MEGF11: variants seen among roughly 807,000 people sequenced by gnomAD.
MEGF11 encodes the protein multiple epidermal growth factor-like domains protein 11.
MEGF11 carries 126 observed loss-of-function variants against 146.6 expected under a neutral mutation model. The ratio of observed to expected loss-of-function variants is 0.86; its 90% CI spans 0.74 to 1.00. The LOEUF is 1.00. Ranked by LOEUF, MEGF11 falls within the 50% of genes least tolerant of loss-of-function variation. MEGF11 has a pLI of 0.00. For synonymous variants in MEGF11, 532 were observed against 583.4 expected (o/e 0.91, Z 1.27); for missense variants, 1,509 against 1,521.2 (o/e 0.99, Z 0.13).
chr15:66,120,632 T>C (rs879923988), intron 3 of MEGF11, among the ~76,000 whole-genome samples: 2 of 152,208 alleles, frequency 1.3e-5, no homozygotes, highest in Non-Finnish European at 2.9e-5. Flanking sequence ...ATCTGTGATA[T>C]TTGGGAATGT....
chr15:65,935,291 G>A (rs1184472401), intron 10 of MEGF11, among the ~76,000 whole-genome samples: 1 of 123,004 alleles, frequency 8.1e-6, no homozygotes, highest in Non-Finnish European at 1.6e-5. Flanking sequence ...CTGCACTCCA[G>A]CCTGGGTGAC....
At chr15:66,170,277 G>A (rs947561761) in intron 1 of MEGF11, among the ~76,000 whole-genome samples, 9 of 152,146 alleles carry the variant, frequency 5.9e-5, no homozygotes, top group South Asian at 2.1e-4. Flanking sequence ...TGCCAGGGGC[G>A]TTTCCAGAGA....
chr15:66,078,727 C>T (rs2140519269), intron 5 of MEGF11, among the ~76,000 whole-genome samples: 1 of 152,330 alleles, frequency 6.6e-6, no homozygotes, highest in South Asian at 2.1e-4. Flanking sequence ...GGGGTATCCG[C>T]CCGGTTGCCA....
chr15:65,949,397 G>T (rs1453446066), intron 10 of MEGF11, among the ~76,000 whole-genome samples: 4 of 152,230 alleles, frequency 2.6e-5, no homozygotes, highest in African/African-American at 4.8e-5. Context: ...TGAGAAAAAT[G>T]CAGAAACAAA....
chr15:66,134,849 C>T (rs988948370), intron 1 of MEGF11, among the ~76,000 whole-genome samples: 1 of 152,220 alleles, frequency 6.6e-6, no homozygotes, highest in South Asian at 2.1e-4. Flanking sequence ...AACCTGGGAG[C>T]AGAAAGAGTC....
At chr15:66,216,996 G>A (rs2091602241) in intron 1 of MEGF11, among the ~76,000 whole-genome samples, 1 of 152,246 alleles carries the variant, frequency 6.6e-6, no homozygotes, top group Non-Finnish European at 1.5e-5. Flanking sequence ...CACCCCATGG[G>A]ACTGGCCGAG....
At chr15:65,900,103 CCTT>C (rs560714567) in intron 24 of MEGF11, among the ~76,000 whole-genome samples, 56 of 152,302 alleles carry the variant, frequency 3.7e-4, no homozygotes, top group African/African-American at 1.2e-3. Flanking sequence ...GCAGCTCTGA[CCTT>C]CTTCTGTGAA....
At chr15:66,129,609 C>T (rs1470727074) in intron 1 of MEGF11, among the ~76,000 whole-genome samples, 1 of 152,160 alleles carries the variant, frequency 6.6e-6, no homozygotes, top group African/African-American at 2.4e-5. Flanking sequence ...ATCTATCCCG[C>T]TGGCCCTGGG....
At chr15:65,920,460 T>A (rs2079138631) in intron 15 of MEGF11, among the ~76,000 whole-genome samples, 1 of 152,234 alleles carries the variant, frequency 6.6e-6, no homozygotes, top group Non-Finnish European at 1.5e-5. Context: ...GTGCCAGAGC[T>A]GCTCCCCCTA....
chr15:66,072,400 G>A lies in MEGF11; in HGVS notation c.394+22002C>T, dbSNP rs536721883. On this transcript the variant is annotated intron_variant, in intron 5 of 25. Transcript: ENST00000395614. ...CACCTCACACACTTTAACCCATCAC[G>A]CCCTTTTATTTTCTTCTTAGCATTT... 2.6e-5 allele frequency among the ~76,000 whole-genome samples: 4 copies of A among 152,058 alleles called. 1 individual carries two copies. Among genetic ancestry groups the A allele is most frequent in the South Asian group, 4.2e-4 (2 of 4,808 alleles).
At chr15:66,204,410 T>G (rs1281240396) in intron 1 of MEGF11, among the ~76,000 whole-genome samples, 2 of 150,524 alleles carry the variant, frequency 1.3e-5, no homozygotes, top group African/African-American at 4.9e-5. Flanking sequence ...GTCTCAAAAA[T>G]AAAAAAGAAA....
At chr15:65,968,280 T>C (rs2141593120) in intron 8 of MEGF11, among the ~76,000 whole-genome samples, 1 of 152,338 alleles carries the variant, frequency 6.6e-6, no homozygotes, top group African/African-American at 2.4e-5. Context: ...TGCCAGCCCC[T>C]GTTCAGCCTG....
chr15:66,146,948 C>T (rs546002778), intron 1 of MEGF11, among the ~76,000 whole-genome samples: 1 of 152,306 alleles, frequency 6.6e-6, no homozygotes, highest in Admixed American at 6.5e-5. Context: ...TCCCATAATG[C>T]CCCCACTTGC....
At chr15:65,965,593 TTTCTTTCTTTTTTTTTTTTC>T (rs2081047791) in intron 8 of MEGF11, among the ~76,000 whole-genome samples, 1 of 28,938 alleles carries the variant, frequency 3.5e-5, no homozygotes, top group Non-Finnish European at 9.5e-5. Flanking sequence ...TCTTTCTTTC[TTTCTTTCTTTTTTTTTTTTC>T]TTTTTTTTTT....
chr15:66,164,261 C>A (rs1403581886), intron 1 of MEGF11, among the ~76,000 whole-genome samples: 1 of 152,188 alleles, frequency 6.6e-6, no homozygotes, highest in Non-Finnish European at 1.5e-5. Context: ...AAGGGCCAGG[C>A]TGCCCTGGAC....
intron 10 of MEGF11, among the ~76,000 whole-genome samples, chr15:65,935,536 T>C (rs982793956): frequency 2.0e-5 from 3 of 152,276 alleles, no homozygotes; most frequent in Admixed American, 2.0e-4. Flanking sequence ...TGCTTGCTGC[T>C]GGGGAGAAAT....
At chr15:65,941,468 C>A (rs1344108891) in intron 10 of MEGF11, among the ~76,000 whole-genome samples, 1 of 151,982 alleles carries the variant, frequency 6.6e-6, no homozygotes, top group Non-Finnish European at 1.5e-5. Flanking sequence ...AATTCAGACC[C>A]AAGAGGCGGT....
intron 24 of MEGF11, among the ~76,000 whole-genome samples, chr15:65,903,219 G>A (rs1338925501): frequency 4.6e-5 from 7 of 152,168 alleles, no homozygotes; most frequent in African/African-American, 2.4e-5. Flanking sequence ...AGATGGGAAC[G>A]AGCACACAGG....
intron 5 of MEGF11, among the ~76,000 whole-genome samples, chr15:66,055,836 G>A (rs1223378809): frequency 6.6e-6 from 1 of 152,162 alleles, no homozygotes; most frequent in Non-Finnish European, 1.5e-5. Flanking sequence ...CAGTTGAGGG[G>A]TGGTGGTGGT....
Sources: allele counts gnomAD v4.1 joint callset (sites outside exome capture counted in the v4.1 genomes callset), GRCh38; gene constraint gnomAD v4.1.1; transcripts MANE v1.5; gene names NCBI Gene and HGNC (gene_info 2026-07-23, HGNC 2026-07-21).